PPP1R12A: variants seen among roughly 807,000 people sequenced by gnomAD.
PPP1R12A encodes the protein protein phosphatase 1 regulatory subunit 12A.
Under a neutral mutation model 139.6 loss-of-function variants are expected in PPP1R12A, and 19 were observed. The observed-to-expected ratio is 0.14, with a 90% CI of 0.09 to 0.20. The LOEUF (loss-of-function observed/expected upper bound fraction) is 0.20, where lower values mean the gene tolerates loss of function less well. Among genes scored for constraint, PPP1R12A ranks in the 10% least tolerant of loss-of-function variants. PPP1R12A has a pLI of 1.00. For synonymous variants in PPP1R12A, 427 were observed against 420.6 expected (o/e 1.02, Z -0.19); for missense variants, 925 against 1,211.5 (o/e 0.76, Z 3.51).
At chr12:79,898,415 C>T (rs773248413) in intron 1 of PPP1R12A, among the ~76,000 whole-genome samples, 1 of 152,114 alleles carries the variant, frequency 6.6e-6, no homozygotes, top group Admixed American at 6.5e-5. Context: ...GAGATGGTGC[C>T]ACGGCACTCC....
chr12:79,895,364 T>A (rs1379831690), intron 1 of PPP1R12A, among the ~76,000 whole-genome samples: 1 of 152,196 alleles, frequency 6.6e-6, no homozygotes, highest in Non-Finnish European at 1.5e-5. Context: ...GTAGAAAGAT[T>A]ATATGCTAAT....
At chr12:79,790,817 A>G (rs1378319236) in intron 19 of PPP1R12A, among the ~76,000 whole-genome samples, 1 of 152,184 alleles carries the variant, frequency 6.6e-6, no homozygotes, top group Non-Finnish European at 1.5e-5. Flanking sequence ...AGTCTTTTTC[A>G]GTAGTCAAAT....
intron 13 of PPP1R12A, 22 bp from the exon 14 acceptor site, chr12:79,805,790 C>G (rs1209214735): frequency 1.9e-6 from 3 of 1,588,252 alleles, no homozygotes; most frequent in Non-Finnish European, 2.6e-6. Context: ...TAAGCAGCAA[C>G]ACAAAAAAGA....
intron 1 of PPP1R12A, among the ~76,000 whole-genome samples, chr12:79,887,420 G>T (rs1409379748): frequency 2.6e-5 from 4 of 151,948 alleles, no homozygotes; most frequent in African/African-American, 9.7e-5. Context: ...AAACAATCTT[G>T]TCCACAGGAT....
intron 1 of PPP1R12A, among the ~76,000 whole-genome samples, chr12:79,875,601 C>T (rs1229504649): frequency 6.6e-6 from 1 of 152,150 alleles, no homozygotes; most frequent in Non-Finnish European, 1.5e-5. Flanking sequence ...ATAAACTGAT[C>T]AGTAGACATA....
intron 3 of PPP1R12A, among the ~76,000 whole-genome samples, chr12:79,839,927 AT>A (rs1878518057): frequency 6.6e-6 from 1 of 152,146 alleles, no homozygotes; most frequent in Non-Finnish European, 1.5e-5. Flanking sequence ...CTTTTTTATA[AT>A]TATTAAAATC....
intron 2 of PPP1R12A, among the ~76,000 whole-genome samples, chr12:79,863,593 T>A (rs922578872): frequency 1.7e-5 from 2 of 118,994 alleles, no homozygotes; most frequent in African/African-American, 6.6e-5. Flanking sequence ...CAAAGACACA[T>A]ATAGGCTCAA....
chr12:79,827,202 G>T (rs1876895750), intron 5 of PPP1R12A, among the ~76,000 whole-genome samples: 1 of 152,000 alleles, frequency 6.6e-6, no homozygotes, highest in Non-Finnish European at 1.5e-5. Context: ...TCAACCCAAA[G>T]ATTTTTGTAT....
At chr12:79,893,059 C>A (rs1028850484) in intron 1 of PPP1R12A, among the ~76,000 whole-genome samples, 7 of 150,792 alleles carry the variant, frequency 4.6e-5, no homozygotes, top group Middle Eastern at 3.2e-3. Flanking sequence ...GCCAAGATTG[C>A]GCCACTGTAC....
chr12:79,835,178 T>A (rs888157911), intron 3 of PPP1R12A, among the ~76,000 whole-genome samples: 3 of 152,126 alleles, frequency 2.0e-5, no homozygotes, highest in African/African-American at 7.2e-5. Context: ...GATATCAGAC[T>A]ACAGGTTCTT....
chr12:79,800,252 C>A (rs1872953538), intron 14 of PPP1R12A, among the ~76,000 whole-genome samples: 1 of 152,086 alleles, frequency 6.6e-6, no homozygotes, highest in Non-Finnish European at 1.5e-5. Context: ...AGTGTGCCTG[C>A]CTCTTCTGCC....
Position 79,889,385 on chromosome 12 carries a change from C to T in PPP1R12A, c.238-16447G>A, listed in dbSNP as rs148861951. Among the ~76,000 whole-genome samples the T allele has an allele frequency of 4.6e-5, 7 of 152,246 alleles. No homozygotes were observed. The East Asian group carries it at 1.4e-3, about 29-fold the overall frequency. ...TCACTTTGCTTCTTTCTCCACCAGC[C>T]TAGTGATAGAAAAGACAACAAAATC... is the stretch of plus-strand genomic sequence containing the variant. On this transcript the variant is annotated intron_variant, in intron 1 of 24. Coordinates refer to ENST00000450142, the MANE Select transcript of PPP1R12A (RefSeq NM_002480.3).
intron 2 of PPP1R12A, among the ~76,000 whole-genome samples, chr12:79,863,975 T>C (rs1046001482): frequency 2.6e-5 from 4 of 152,320 alleles, no homozygotes; most frequent in South Asian, 4.1e-4. Context: ...AACTCAGCTC[T>C]GGACCAAGAA....
intron 1 of PPP1R12A, among the ~76,000 whole-genome samples, chr12:79,882,818 A>G (rs139658902): frequency 3.5e-4 from 54 of 152,268 alleles, no homozygotes; most frequent in Admixed American, 6.5e-4. Context: ...CACTGCCCTG[A>G]TTAATCAGCA....
chr12:79,779,367 C>A (rs981688713), intron 23 of PPP1R12A: 7 of 1,288,072 alleles, frequency 5.4e-6, no homozygotes, highest in South Asian at 1.2e-5. Context: ...AGATACAAAC[C>A]ATTTAAATTT....
chr12:79,934,650 C>A, intron 1 of PPP1R12A, 45 bp downstream of exon 1: 1 of 1,472,676 alleles, frequency 6.8e-7, no homozygotes, highest in Non-Finnish European at 9.1e-7. Context: ...AGGAGGCCGA[C>A]GAGAACCCTC....
chr12:79,898,801 T>C (rs1359066123), intron 1 of PPP1R12A, among the ~76,000 whole-genome samples: 1 of 152,166 alleles, frequency 6.6e-6, no homozygotes, highest in Non-Finnish European at 1.5e-5. Flanking sequence ...TCTGCCTCTA[T>C]ACCAACTCAC....
rs535384405 is a variant in PPP1R12A at position 79,917,276 on chromosome 12, C to T, written c.237+17419G>A. ...CCGAGGCGGGTGGATCACGAGGTCA[C>T]GAGATCGAGACCAGCCTGACCAACA... On this transcript the variant is annotated intron_variant, in intron 1 of 24. Transcript: ENST00000450142. Among the ~76,000 whole-genome samples the T allele has an allele frequency of 3.4e-3, 511 of 151,802 alleles. 6 individuals carry two copies. The highest frequency in any genetic ancestry group is 1.7e-3 in the Non-Finnish European group (115 of 67,902).
intron 9 of PPP1R12A, among the ~76,000 whole-genome samples, chr12:79,813,412 T>C (rs1293580499): frequency 6.6e-6 from 1 of 152,222 alleles, no homozygotes; most frequent in African/African-American, 2.4e-5. Context: ...GCTACATCTG[T>C]ACGTTTCGAT....
Sources: gnomAD v4.1 joint callset for allele counts (sites outside exome capture counted in the v4.1 genomes callset) on GRCh38, gnomAD v4.1.1 for gene constraint, MANE v1.5 for transcripts, NCBI Gene and HGNC (gene_info 2026-07-23, HGNC 2026-07-21) for gene names.